Variants in CACNG7 observed in about 807,000 individuals in gnomAD.
CACNG7 encodes calcium voltage-gated channel auxiliary subunit gamma 7, also known as voltage-dependent calcium channel gamma-7 subunit.
In CACNG7, 9 loss-of-function variants were observed where a neutral mutation model predicts 26.3. The ratio of observed to expected loss-of-function variants is 0.34; its 90% CI spans 0.21 to 0.60. The LOEUF (loss-of-function observed/expected upper bound fraction) is 0.60, where lower values mean the gene tolerates loss of function less well. Ranked by LOEUF, CACNG7 falls within the 20% of genes least tolerant of loss-of-function variation. The pLI, the probability that CACNG7 is intolerant of heterozygous loss-of-function variation, is 0.81. For synonymous variants in CACNG7, 170 were observed against 157.0 expected (o/e 1.08, Z -0.62); for missense variants, 297 against 380.4 (o/e 0.78, Z 1.82).
In CACNG7 at chr19:53,912,661, G is replaced by C. The variant is rs999084417; in HGVS notation, c.-29-142G>C. 1 of 640,626 alleles carries C rather than the reference G, an allele frequency of 1.6e-6. No individual in the cohort carries two copies. Among genetic ancestry groups the C allele is most frequent in the Admixed American group, 2.8e-5 (1 of 35,402 alleles). 39.7% of individuals were successfully genotyped at this position (640,626 alleles called of 1,614,324 possible). ...GTCAGACTCTAGGGTTGGGGTCATGGGTCAGGCCACGGAGGTCAGATCTGA... is the reference window on the plus strand; with the variant it reads ...GTCAGACTCTAGGGTTGGGGTCATGCGTCAGGCCACGGAGGTCAGATCTGA... On this transcript the variant is annotated intron_variant, in intron 1 of 5. Transcript: ENST00000391767. The surrounding 1 kb of genome is among the most constrained non-coding windows in gnomAD (Gnocchi z 4.6).
rs540525300 is a variant in CACNG7, at chr19:53,912,362, T to G, written c.-29-441T>G. 1.4e-4 allele frequency among the ~76,000 whole-genome samples: 22 copies of G among 152,140 alleles called. No homozygotes were observed. The highest frequency in any genetic ancestry group is 3.2e-4 in the Non-Finnish European group (22 of 68,014). On this transcript the variant is annotated intron_variant, in intron 1 of 5. Transcript: ENST00000391767. This position sits in a 1 kb window ranked among gnomAD's most constrained non-coding sequence, Gnocchi z 4.6. ...ACTCTGGTGGCATCTGATTTCTAAA[T>G]TAGGGTCTCAGGTCAGCAGGTGAGG...
In CACNG7 at chr19:53,942,518, A is replaced by T; in HGVS notation, c.*225A>T. 7.3e-7 allele frequency: 1 copy of T among 1,374,246 alleles called. No individual in the cohort carries two copies. Among genetic ancestry groups the T allele is most frequent in the Non-Finnish European group, 9.4e-7 (1 of 1,066,872 alleles). The allele number at this position is 1,374,246 out of a possible 1,614,324, so 85.1% of individuals were successfully genotyped here. Reference sequence around the variant, plus strand: ...CCTCTCCTTTTCATTGGTCCCTCTCACTCCCAAATGACTCCTCCCCTTCGT... The same window carrying T: ...CCTCTCCTTTTCATTGGTCCCTCTCTCTCCCAAATGACTCCTCCCCTTCGT... On this transcript the variant is annotated 3_prime_UTR_variant, in exon 6 of 6. Transcript: ENST00000391767. This position sits in a 1 kb window ranked among gnomAD's most constrained non-coding sequence, Gnocchi z 5.9.
At chr19:53,930,378 T>G (rs2069063762) in intron 4 of CACNG7, among the ~76,000 whole-genome samples, 1 of 152,026 alleles carries the variant, frequency 6.6e-6, no homozygotes, top group African/African-American at 2.4e-5. Context: ...CAGGCTAATT[T>G]TTTTTTAAAT....
intron 4 of CACNG7, among the ~76,000 whole-genome samples, chr19:53,921,712 G>C (rs1215850507): frequency 9.2e-5 from 9 of 98,226 alleles, no homozygotes; most frequent in South Asian, 3.2e-4. Flanking sequence ...CATTGGTGGA[G>C]CTGTCCCAGG....
At chr19:53,927,145 C>T (rs2032443282) in intron 4 of CACNG7, among the ~76,000 whole-genome samples, 1 of 151,918 alleles carries the variant, frequency 6.6e-6, no homozygotes, top group African/African-American at 2.4e-5. Flanking sequence ...GTCTCAAACC[C>T]CTGACCTCAA....
At chr19:53,930,375 A>AT (rs920645157) in intron 4 of CACNG7, among the ~76,000 whole-genome samples, 27 of 150,738 alleles carry the variant, frequency 1.8e-4, no homozygotes, top group African/African-American at 5.6e-4. Context: ...CGCCAGGCTA[A>AT]TTTTTTTTTA....
intron 4 of CACNG7, among the ~76,000 whole-genome samples, chr19:53,920,385 T>G (rs1599973625): frequency 1.1e-5 from 1 of 93,926 alleles, no homozygotes; most frequent in Non-Finnish European, 2.0e-5. Flanking sequence ...TTGCCTCAGG[T>G]CTGGTCATTG....
At position 53,909,404 on chromosome 19, in the gene CACNG7, G is replaced by A. The variant is rs1448920032; in HGVS notation, c.-143G>A. 1 of 148,572 alleles carries A rather than the reference G, an allele frequency of 6.7e-6. No homozygotes were observed. The highest frequency in any genetic ancestry group is 1.5e-5 in the Non-Finnish European group (1 of 66,424). 9.2% of individuals were successfully genotyped at this position (148,572 alleles called of 1,614,324 possible). On this transcript the variant is annotated 5_prime_UTR_variant, in exon 1 of 6. Coordinates refer to ENST00000391767, the MANE Select transcript of CACNG7 (RefSeq NM_031896.5). This position sits in a 1 kb window ranked among gnomAD's most constrained non-coding sequence, Gnocchi z 5.1. ...ACGCCGGGCTCCGGGGCGGGGGCGGGGGGCGCGGGCACCGGCGACCCCGGT... is the reference window on the plus strand; with the variant it reads ...ACGCCGGGCTCCGGGGCGGGGGCGGAGGGCGCGGGCACCGGCGACCCCGGT...
rs892228624 is a variant in CACNG7, at chr19:53,912,340, C to T, written c.-29-463C>T. ...TGATCCACACTCAAGGTTAGGGACT[C>T]TGGTGGCATCTGATTTCTAAATTAG... On this transcript the variant is annotated intron_variant, in intron 1 of 5. Transcript: ENST00000391767. The surrounding 1 kb of genome is among the most constrained non-coding windows in gnomAD (Gnocchi z 4.6). Among the ~76,000 whole-genome samples, 4 of 152,132 alleles carry T rather than the reference C, an allele frequency of 2.6e-5. No homozygotes were observed.
intron 4 of CACNG7, among the ~76,000 whole-genome samples, chr19:53,934,680 G>A (rs1200342249): frequency 3.3e-5 from 5 of 152,084 alleles, no homozygotes; most frequent in Non-Finnish European, 7.4e-5. Context: ...GGCTGAGACA[G>A]GAGGATCACT....
At position 53,918,664 on chromosome 19, in the gene CACNG7, A is replaced by G. The variant is rs1017913279; in HGVS notation, c.424+3159A>G. ...TTGTTTTAAGTAAATAAATAAATGT[A>G]GTAATGATAGTAGTACTAGCGGTGG... is the stretch of plus-strand genomic sequence containing the variant. On this transcript the variant is annotated intron_variant, in intron 4 of 5. Coordinates refer to ENST00000391767, the MANE Select transcript of CACNG7 (RefSeq NM_031896.5). Among the ~76,000 whole-genome samples the G allele has an allele frequency of 1.6e-4, 25 of 152,240 alleles. 1 individual carries two copies. Among genetic ancestry groups the G allele is most frequent in the Non-Finnish European group, 5.9e-5 (4 of 68,042 alleles).
intron 4 of CACNG7, among the ~76,000 whole-genome samples, chr19:53,935,705 T>C (rs1400738876): frequency 7.8e-6 from 1 of 128,296 alleles, no homozygotes; most frequent in Admixed American, 9.9e-5. Flanking sequence ...AATGGCGCGA[T>C]CTCGGCTCAC....
chr19:53,915,846 A>G (rs538330489), intron 4 of CACNG7, among the ~76,000 whole-genome samples: 46 of 152,272 alleles, frequency 3.0e-4, no homozygotes, highest in African/African-American at 1.0e-3. Context: ...GGGCCATACA[A>G]CTAGTGAGAG....
intron 4 of CACNG7, among the ~76,000 whole-genome samples, chr19:53,922,936 GT>G (rs368006454): frequency 1.7e-4 from 15 of 86,592 alleles, no homozygotes; most frequent in African/African-American, 7.9e-4. Flanking sequence ...GTTGTCCCAG[GT>G]CTGGTCATTG....
chr19:53,916,392 C>T (rs1287128466), intron 4 of CACNG7, among the ~76,000 whole-genome samples: 1 of 91,142 alleles, frequency 1.1e-5, no homozygotes, highest in Non-Finnish European at 1.9e-5. Context: ...TACCAAGGCC[C>T]AGAATTGCAT....
chr19:53,922,879 T>C (rs1353836569), intron 4 of CACNG7, among the ~76,000 whole-genome samples: 21 of 42,266 alleles, frequency 5.0e-4, no homozygotes, highest in South Asian at 1.1e-3. Context: ...TGGAGTTGAC[T>C]CAGGCTGGTC....
At chr19:53,920,829 TGTCCCCAG>T (rs2068940953) in intron 4 of CACNG7, among the ~76,000 whole-genome samples, 1 of 92,818 alleles carries the variant, frequency 1.1e-5, no homozygotes, top group Non-Finnish European at 2.1e-5. Flanking sequence ...TTGGTGGAGT[TGTCCCCAG>T]GCCTGGTATT....
chr19:53,931,008 C>A lies in CACNG7; in HGVS notation c.425-10462C>A, dbSNP rs115407416. On this transcript the variant is annotated intron_variant, in intron 4 of 5. Transcript: ENST00000391767. ...CTCAGGAGTTCAAAACCAGCCTGGG[C>A]AACATGGTAAAATCCCGTCTCTCCA... Among the ~76,000 whole-genome samples, 1,432 of 152,038 alleles carry A rather than the reference C, an allele frequency of 9.4e-3. 22 individuals are homozygous for A. The highest frequency in any genetic ancestry group is 0.033 in the African/African-American group (1,377 of 41,476).
chr19:53,931,750 C>A (rs1599995066), intron 4 of CACNG7, among the ~76,000 whole-genome samples: 4 of 117,674 alleles, frequency 3.4e-5, no homozygotes, highest in South Asian at 2.8e-4. Context: ...TTGTTTTTAA[C>A]AACGCTGACT....
Sources: gnomAD v4.1 joint callset for allele counts (sites outside exome capture counted in the v4.1 genomes callset) on GRCh38, gnomAD v4.1.1 for gene constraint, Gnocchi (gnomAD v3.1) non-coding constraint, MANE v1.5 for transcripts, NCBI Gene and HGNC (gene_info 2026-07-23, HGNC 2026-07-21) for gene names.